The following GRM3 variants were observed in gnomAD, a reference collection of about 807,000 sequenced individuals.
GRM3 encodes glutamate metabotropic receptor 3.
GRM3 carries 26 observed loss-of-function variants against 70.5 expected under a neutral mutation model. The observed-to-expected ratio is 0.37, with a 90% CI of 0.27 to 0.51. The LOEUF (loss-of-function observed/expected upper bound fraction) is 0.51. Among genes scored for constraint, GRM3 ranks in the 20% least tolerant of loss-of-function variants. The pLI is 0.93. For synonymous variants in GRM3, 443 were observed against 434.9 expected (o/e 1.02, Z -0.23); for missense variants, 859 against 1,123.8 (o/e 0.76, Z 3.37).
intron 3 of GRM3, among the ~76,000 whole-genome samples, chr7:86,790,976 A>G (rs1284432657): frequency 1.3e-5 from 2 of 151,862 alleles, no homozygotes; most frequent in African/African-American, 4.8e-5. Context: ...TTACTTTCAT[A>G]TTTAGTCTTT....
At chr7:86,824,515 A>C (rs1294124494) in intron 3 of GRM3, among the ~76,000 whole-genome samples, 1 of 152,176 alleles carries the variant, frequency 6.6e-6, no homozygotes, top group Non-Finnish European at 1.5e-5. Context: ...TTGGATGAGA[A>C]TTTGTTTTGC....
intron 3 of GRM3, among the ~76,000 whole-genome samples, chr7:86,810,160 C>G (rs540371320): frequency 4.5e-4 from 68 of 152,032 alleles, no homozygotes; most frequent in African/African-American, 1.6e-3. Context: ...CGTCTTTATT[C>G]CTAAAGAAAA....
chr7:86,822,197 TA>T (rs1034231394), intron 3 of GRM3, among the ~76,000 whole-genome samples: 51 of 152,202 alleles, frequency 3.4e-4, no homozygotes, highest in African/African-American at 1.2e-3. Flanking sequence ...CGGTGCAGGA[TA>T]AACAAAACAA....
chr7:86,703,503 G>C (rs538968787), intron 1 of GRM3, among the ~76,000 whole-genome samples: 1 of 151,978 alleles, frequency 6.6e-6, no homozygotes, highest in African/African-American at 2.4e-5. Context: ...AAACACATCA[G>C]AAGAGTGTGT....
Position 86,811,793 on chromosome 7 carries a change from A to G in GRM3, c.1324+24677A>G, listed in dbSNP as rs192308237. On this transcript the variant is annotated intron_variant, in intron 3 of 5. Transcript: ENST00000361669. ...GTGGAGTCGCTTTGATTGAATTCAG[A>G]TGTGGAAAACCTTGATAATCATCTG... Among the ~76,000 whole-genome samples the G allele has an allele frequency of 1.3e-3, 193 of 151,720 alleles. 1 individual carries two copies. Among genetic ancestry groups the G allele is most frequent in the Non-Finnish European group, 2.5e-3 (168 of 67,714 alleles).
intron 2 of GRM3, among the ~76,000 whole-genome samples, chr7:86,772,676 T>C (rs1796776426): frequency 6.6e-6 from 1 of 152,092 alleles, no homozygotes; most frequent in African/African-American, 2.4e-5. Context: ...TTATGCCAGA[T>C]GCTGTGCTTG....
In GRM3 at chr7:86,787,375, T is replaced by C. The variant is rs180980957; in HGVS notation, c.1324+259T>C. On this transcript the variant is annotated intron_variant, in intron 3 of 5. Coordinates refer to ENST00000361669, the MANE Select transcript of GRM3 (RefSeq NM_000840.3). ...CTGACAGCCCACTGTGGTAGCTCCC[T>C]AGATTAGGGCCAGGCTAGATTTGAG... Among the ~76,000 whole-genome samples the C allele has an allele frequency of 4.6e-4, 70 of 152,352 alleles. 1 individual carries two copies. Among genetic ancestry groups the C allele is most frequent in the African/African-American group, 1.6e-3 (68 of 41,580 alleles).
At chr7:86,648,827 T>A (rs1195110583) in intron 1 of GRM3, among the ~76,000 whole-genome samples, 6 of 152,224 alleles carry the variant, frequency 3.9e-5, no homozygotes, top group Non-Finnish European at 7.4e-5. Flanking sequence ...TAAGCAAATA[T>A]CTTGGTAGAC....
At chr7:86,856,315 G>T (rs1454054781) in intron 5 of GRM3, among the ~76,000 whole-genome samples, 1 of 151,998 alleles carries the variant, frequency 6.6e-6, no homozygotes, top group South Asian at 2.1e-4. Context: ...GCATGGTGGT[G>T]TGCAGCTGTA....
At chr7:86,818,885 T>C (rs1798066073) in intron 3 of GRM3, among the ~76,000 whole-genome samples, 1 of 152,082 alleles carries the variant, frequency 6.6e-6, no homozygotes, top group Admixed American at 6.6e-5. Flanking sequence ...TTCCTGGACA[T>C]GCAGATGTAC....
At chr7:86,767,555 AT>A (rs1562854626) in intron 2 of GRM3, among the ~76,000 whole-genome samples, 5 of 134,270 alleles carry the variant, frequency 3.7e-5, no homozygotes, top group Admixed American at 7.7e-5. Flanking sequence ...ATATATATAT[AT>A]ATAAATGAAG....
In GRM3 at chr7:86,764,950, TG is replaced by T; in HGVS notation, c.-140-55del. 3.1e-6 allele frequency: 4 copies of T among 1,273,524 alleles called. 1 individual carries two copies. Among genetic ancestry groups the T allele is most frequent in the Non-Finnish European group, 4.1e-6 (4 of 965,216 alleles). The allele number at this position is 1,273,524 out of a possible 1,614,324, so 78.9% of individuals were successfully genotyped here. A position where few individuals can be genotyped will look rare whatever the true frequency, so the allele number is the denominator to read the frequency against. ...TAAAGGTCTGATTGGGCATGATCGA[TG>T]TAATCACTGTTGCTTTCTTTACCAT... is the stretch of plus-strand genomic sequence containing the variant. On this transcript the variant is annotated intron_variant, in intron 1 of 5. Transcript: ENST00000361669.
intron 1 of GRM3, 106 bp downstream of exon 1, chr7:86,644,978 C>T (rs1793421238): frequency 3.0e-5 from 14 of 468,138 alleles, no homozygotes; most frequent in South Asian, 2.5e-4. Flanking sequence ...TGAGGTAGAG[C>T]ATGGACCAGT....
At chr7:86,700,919 G>A (rs368400050) in intron 1 of GRM3, among the ~76,000 whole-genome samples, 5 of 151,822 alleles carry the variant, frequency 3.3e-5, no homozygotes, top group Non-Finnish European at 5.9e-5. Context: ...AATTAGAAAC[G>A]TATCATTTCA....
rs575024826 is a variant in GRM3, at chr7:86,749,575, C to T, written c.-140-15431C>T. Among the ~76,000 whole-genome samples the T allele has an allele frequency of 2.6e-5, 4 of 152,190 alleles. No homozygotes were observed. The East Asian group carries it at 7.7e-4, about 29-fold the overall frequency. On this transcript the variant is annotated intron_variant, in intron 1 of 5. Coordinates refer to ENST00000361669, the MANE Select transcript of GRM3 (RefSeq NM_000840.3). ...TGGATGCCAGATGTGGAAACAAATT[C>T]ATGTACAAAGGTCCCCTCTCTAGGC...
At chr7:86,652,326 TTTG>T (rs1320318812) in intron 1 of GRM3, among the ~76,000 whole-genome samples, 31 of 152,034 alleles carry the variant, frequency 2.0e-4, no homozygotes, top group Admixed American at 4.6e-4. Flanking sequence ...TTGTTTTTGT[TTTG>T]TTGTTGTTGT....
intron 5 of GRM3, among the ~76,000 whole-genome samples, chr7:86,856,361 G>T (rs1389438604): frequency 4.0e-5 from 6 of 151,150 alleles, no homozygotes; most frequent in African/African-American, 1.5e-4. Flanking sequence ...CAGGAGAATT[G>T]CTTGAACCCG....
intron 3 of GRM3, among the ~76,000 whole-genome samples, chr7:86,818,977 C>T (rs1798067622): frequency 6.6e-6 from 1 of 152,082 alleles, no homozygotes; most frequent in African/African-American, 2.4e-5. Context: ...GGCAGAGAGG[C>T]CTCATATCTT....
At chr7:86,807,587 A>T (rs928358500) in intron 3 of GRM3, among the ~76,000 whole-genome samples, 2 of 151,940 alleles carry the variant, frequency 1.3e-5, no homozygotes, top group Non-Finnish European at 2.9e-5. Context: ...ATTTTTGCAC[A>T]TTGATTTTTT....
Sources: allele counts gnomAD v4.1 joint callset (sites outside exome capture counted in the v4.1 genomes callset), GRCh38; gene constraint gnomAD v4.1.1; transcripts MANE v1.5; gene names NCBI Gene and HGNC (gene_info 2026-07-23, HGNC 2026-07-21).